The following AFF1 variants were observed in gnomAD, a reference collection of about 807,000 sequenced individuals.
AFF1 encodes the protein ALF transcription elongation factor 1.
Under a neutral mutation model 121.7 loss-of-function variants are expected in AFF1, and 48 were observed. That is an observed-to-expected ratio of 0.39 (90% CI 0.31 to 0.50). The LOEUF (loss-of-function observed/expected upper bound fraction) is 0.50. AFF1 is among the 20% of genes least tolerant of loss of function. AFF1 has a pLI of 0.76. For missense variants in AFF1, 1,523 were observed against 1,511.7 expected, an observed-to-expected ratio of 1.01 and a Z score of -0.12; for synonymous variants, 613 against 563.0, an observed-to-expected ratio of 1.09 and a Z score of -1.26.
chr4:86,981,005 TTTTG>T (rs3035476), intron 2 of AFF1, among the ~76,000 whole-genome samples: 11 of 143,770 alleles, frequency 7.7e-5, no homozygotes, highest in East Asian at 2.1e-4. Flanking sequence ...CTTAACAGTG[TTTTG>T]TTTGTTTGTT....
intron 1 of AFF1, chr4:86,936,537 G>A (rs2149435792): frequency 6.6e-6 from 1 of 152,290 alleles, no homozygotes; most frequent in South Asian, 2.1e-4. Flanking sequence ...CTCTGGGTGG[G>A]GATAAAAGTC....
chr4:86,942,751 G>A (rs922711341), intron 1 of AFF1, among the ~76,000 whole-genome samples: 3 of 152,096 alleles, frequency 2.0e-5, no homozygotes, highest in Admixed American at 1.3e-4. Context: ...TCCTCTTCGT[G>A]CCTTGAATAT....
In AFF1 at chr4:86,942,254, C is replaced by T. The variant is rs73837570; in HGVS notation, c.-36-6244C>T. 4.3e-3 allele frequency among the ~76,000 whole-genome samples: 652 copies of T among 152,240 alleles called. 8 individuals carry two copies. The highest frequency in any genetic ancestry group is 0.015 in the African/African-American group (617 of 41,538). On this transcript the variant is annotated intron_variant, in intron 1 of 20. Transcript: ENST00000395146. ...TCTGAAATGAGGACAATGCCTTGTA[C>T]GATATTTTACCAGCCCACAGGGAAT...
At chr4:87,054,190 G>C (rs574912111) in intron 4 of AFF1, among the ~76,000 whole-genome samples, 39 of 152,210 alleles carry the variant, frequency 2.6e-4, no homozygotes, top group Admixed American at 1.0e-3. Flanking sequence ...AAATTCCCAG[G>C]CCCTCCCCTA....
intron 2 of AFF1, among the ~76,000 whole-genome samples, chr4:87,000,936 T>G (rs1430926995): frequency 6.6e-6 from 1 of 152,156 alleles, no homozygotes; most frequent in Admixed American, 6.5e-5. Context: ...TGAATCAGAT[T>G]TATTTTATTA....
intron 2 of AFF1, among the ~76,000 whole-genome samples, chr4:87,022,390 T>A (rs2149561316): frequency 6.6e-6 from 1 of 151,652 alleles, no homozygotes; most frequent in African/African-American, 2.4e-5. Flanking sequence ...TTCATGATGC[T>A]GGTGATGGAA....
chr4:87,049,107 G>C (rs76905957), intron 4 of AFF1, among the ~76,000 whole-genome samples: 7 of 106,414 alleles, frequency 6.6e-5, no homozygotes, highest in African/African-American at 2.3e-4. Flanking sequence ...GGGGGGGGGG[G>C]ACAACTTAAC....
chr4:86,980,351 G>T (rs1285359569), intron 2 of AFF1, among the ~76,000 whole-genome samples: 1 of 152,202 alleles, frequency 6.6e-6, no homozygotes, highest in Non-Finnish European at 1.5e-5. Context: ...ACCCAGCTGG[G>T]CATGGCGGTA....
At chr4:87,089,908 A>G (rs1724126794) in intron 5 of AFF1, 76 bp from the exon 6 acceptor site, 1 of 1,095,628 alleles carries the variant, frequency 9.1e-7, no homozygotes, top group African/African-American at 1.6e-5. Flanking sequence ...ATTCTACATT[A>G]AGTTCAAAAT....
At chr4:87,064,627 T>A (rs1253183656) in intron 4 of AFF1, among the ~76,000 whole-genome samples, 1 of 151,932 alleles carries the variant, frequency 6.6e-6, no homozygotes, top group African/African-American at 2.4e-5. Flanking sequence ...GTCTATAATC[T>A]CAGCACTTTG....
chr4:87,022,676 A>ATG, intron 2 of AFF1, among the ~76,000 whole-genome samples: 20 of 143,784 alleles, frequency 1.4e-4, no homozygotes, highest in Non-Finnish European at 2.7e-4. Context: ...GTGTATATAT[A>ATG]TGTGTGTGTA....
chr4:87,123,343 C>T (rs564768265), intron 12 of AFF1, among the ~76,000 whole-genome samples: 1 of 152,276 alleles, frequency 6.6e-6, no homozygotes, highest in South Asian at 2.1e-4. Flanking sequence ...CAGACTAACA[C>T]CATTCAAGTT....
At chr4:87,113,973 G>A (rs1476126949) in intron 11 of AFF1, among the ~76,000 whole-genome samples, 1 of 152,208 alleles carries the variant, frequency 6.6e-6, no homozygotes, top group East Asian at 1.9e-4. Context: ...TTCATTAGCT[G>A]CCTTCTGCAA....
At chr4:87,053,157 A>G (rs887164697) in intron 4 of AFF1, among the ~76,000 whole-genome samples, 1 of 152,218 alleles carries the variant, frequency 6.6e-6, no homozygotes, top group African/African-American at 2.4e-5. Flanking sequence ...TGTGTACCTA[A>G]GAATCCTTAT....
intron 2 of AFF1, chr4:86,950,145 G>T: frequency 6.6e-7 from 1 of 1,516,392 alleles, no homozygotes; most frequent in Non-Finnish European, 9.2e-7. Flanking sequence ...GGCCAGCACC[G>T]GACAAGGCAG....
chr4:87,088,323 A>G (rs1723940809), intron 5 of AFF1, among the ~76,000 whole-genome samples: 2 of 152,238 alleles, frequency 1.3e-5, no homozygotes, highest in South Asian at 4.1e-4. Context: ...CATCACTTAC[A>G]TTACTCGTCA....
chr4:87,011,803 G>C (rs1339550773), intron 2 of AFF1, among the ~76,000 whole-genome samples: 1 of 152,186 alleles, frequency 6.6e-6, no homozygotes, highest in African/African-American at 2.4e-5. Context: ...GTCTAGAGCT[G>C]CTTCCATGAT....
chr4:86,950,910 T>C (rs1721257897), intron 2 of AFF1, among the ~76,000 whole-genome samples: 1 of 152,224 alleles, frequency 6.6e-6, no homozygotes, highest in African/African-American at 2.4e-5. Flanking sequence ...GAAAGGTCTT[T>C]CCTCCTCCAA....
rs533368384 is a variant in AFF1 at position 87,073,377 on chromosome 4, C to T, written c.1060-10743C>T. Among the ~76,000 whole-genome samples, 575 of 148,666 alleles carry T rather than the reference C, an allele frequency of 3.9e-3. 7 individuals carry two copies. The highest frequency in any genetic ancestry group is 0.035 in the South Asian group (161 of 4,660). ...TCAAGGACAAGGTCGTCTTTATTTGCCTTCTCTCTTTTGCGTTTGTTATAG... is the reference window on the plus strand; with the variant it reads ...TCAAGGACAAGGTCGTCTTTATTTGTCTTCTCTCTTTTGCGTTTGTTATAG... On this transcript the variant is annotated intron_variant, in intron 4 of 20. Coordinates refer to ENST00000395146, the MANE Select transcript of AFF1 (RefSeq NM_001166693.3).
Sources: allele counts gnomAD v4.1 joint callset (sites outside exome capture counted in the v4.1 genomes callset), GRCh38; gene constraint gnomAD v4.1.1; transcripts MANE v1.5; gene names NCBI Gene and HGNC (gene_info 2026-07-23, HGNC 2026-07-21).